The following RBP3 variants were observed in gnomAD, a reference collection of about 807,000 sequenced individuals.
The protein encoded by RBP3 is retinol binding protein 3, also known as retinol-binding protein 3.
A neutral mutation model predicts 64.8 loss-of-function variants in RBP3; 50 were observed. That is an observed-to-expected ratio of 0.77 (90% CI 0.61 to 0.98). RBP3 has a LOEUF of 0.98. RBP3 is among the 50% of genes least tolerant of loss of function. The pLI is 0.00. For synonymous variants in RBP3, 828 were observed against 730.2 expected, an observed-to-expected ratio of 1.13 and a Z score of -2.16; for missense variants, 1,712 against 1,660.5, an observed-to-expected ratio of 1.03 and a Z score of -0.54.
chr10:47,355,138 A>G (rs536861615), intron 2 of RBP3, among the ~76,000 whole-genome samples: 1 of 152,358 alleles, frequency 6.6e-6, no homozygotes, highest in Admixed American at 6.5e-5. Context: ...TTAATTACAT[A>G]GCAGAAGGAA....
At chr10:47,353,198 TCTA>T in intron 1 of RBP3, 124 bp from the exon 2 acceptor site, 1 of 845,004 alleles carries the variant, frequency 1.2e-6, no homozygotes, top group Non-Finnish European at 2.0e-6. Flanking sequence ...GTCCCTGGTG[TCTA>T]CTAATTCCTT....
rs1555211454 is a variant in RBP3 at position 47,350,842 on chromosome 10, T to C, written c.2358T>C (p.Pro786=). The part of the protein sequence containing the change: ...AALVIDLRYN[P]GSYSTAIPLL... ...TGGTGATCGACCTGCGCTACAACCCTGGCAGCTACTCCACGGCCATCCCGC... is the reference window on the plus strand; with the variant it reads ...TGGTGATCGACCTGCGCTACAACCCCGGCAGCTACTCCACGGCCATCCCGC... Residue 786 remains proline (P), a synonymous_variant, in exon 1 of 4, where the codon CCT becomes CCC. Transcript: ENST00000584701. 6.2e-7 allele frequency: 1 copy of C among 1,612,922 alleles called. No homozygotes were observed. The highest frequency in any genetic ancestry group is 8.5e-7 in the Non-Finnish European group (1 of 1,180,012).
At chr10:47,351,649 C>A in intron 1 of RBP3, 111 bp downstream of exon 1, 1 of 1,371,952 alleles carries the variant, frequency 7.3e-7, no homozygotes, top group South Asian at 1.2e-5. Flanking sequence ...TAGATTTGTT[C>A]TCACGTTTAA....
chr10:47,357,316 G>A lies in RBP3; in HGVS notation c.3603G>A (p.Ser1201=), dbSNP rs782387959. ...TIPTARSVGA[S]DGSSWEGVGV... is the part of the protein sequence containing the mutation. ...CCACGGCCCGTTCTGTGGGGGCCTC[G>A]GATGGCAGCTCCTGGGAAGGGGTGG... Residue 1201 remains serine, a synonymous_variant, in exon 4 of 4, where the codon TCG becomes TCA. Transcript: ENST00000584701. 10 of 1,614,056 alleles carry A rather than the reference G, an allele frequency of 6.2e-6. No individual in the cohort carries two copies. The highest frequency in any genetic ancestry group is 1.6e-4 in the Middle Eastern group (1 of 6,084).
intron 2 of RBP3, among the ~76,000 whole-genome samples, chr10:47,354,254 G>C (rs17095795): frequency 0.058 from 8,853 of 152,178 alleles, 868 homozygotes; most frequent in African/African-American, 0.2. Flanking sequence ...ATGACTCTGG[G>C]GTCCATTGGT....
At position 47,352,802 on chromosome 10, in the gene RBP3, G is replaced by A. The variant is rs564701527; in HGVS notation, c.3055-523G>A. ...GGAGTCAGATGTGGATTCAGATTCTGGCTCCACCACTTACTGACTGTGTGA... is the reference window on the plus strand; with the variant it reads ...GGAGTCAGATGTGGATTCAGATTCTAGCTCCACCACTTACTGACTGTGTGA... On this transcript the variant is annotated intron_variant, in intron 1 of 3. Transcript: ENST00000584701. Among the ~76,000 whole-genome samples, 4 of 152,306 alleles carry A rather than the reference G, an allele frequency of 2.6e-5. No homozygotes were observed. The East Asian group carries it at 7.7e-4, about 29-fold the overall frequency.
rs782087661 is a variant in RBP3, at chr10:47,348,475, C to G, written c.-10C>G. Reference sequence around the variant, plus strand: ...TTTTGTGCAGGAGCCAGGCCTCCCCCTGGGTCCCCATGATGAGAGAATGGG... The same window carrying G: ...TTTTGTGCAGGAGCCAGGCCTCCCCGTGGGTCCCCATGATGAGAGAATGGG... On this transcript the variant is annotated 5_prime_UTR_variant, in exon 1 of 4. Transcript: ENST00000584701. The G allele has an allele frequency of 1.2e-6, 2 of 1,600,500 alleles. No homozygotes were observed. The highest frequency in any genetic ancestry group is 1.7e-6 in the Non-Finnish European group (2 of 1,179,916).
At position 47,351,087 on chromosome 10, in the gene RBP3, T is replaced by C. The variant is rs367744823; in HGVS notation, c.2603T>C (p.Ile868Thr). The stretch of plus-strand genomic sequence containing the variant: ...CAGGACCTGCAGCGGGCCACGGTCA[T>C]TGGGGAGCCCACGGCCGGAGGCGCA... ...TMQDLQRATV[I>T]GEPTAGGALS... The change falls in exon 1 of 4, where the codon ATT becomes ACT. Residue 868 changes from isoleucine (I) to threonine (T), a missense_variant. Ile to Thr is a moderately conservative substitution (Grantham distance 89). Transcript: ENST00000584701. The C allele has an allele frequency of 2.4e-5, 38 of 1,612,246 alleles. No individual in the cohort carries two copies. The Middle Eastern group carries it at 4.9e-4, about 21-fold the overall frequency.
rs1555211205 is a variant in RBP3, at chr10:47,349,894, C to A, written c.1410C>A (p.Asp470Glu). Residue 470 changes from aspartate to glutamate, a missense_variant, in exon 1 of 4, where the codon GAC (aspartate) becomes GAA (glutamate). By Grantham distance (45) the Asp-to-Glu change is conservative. Transcript: ENST00000584701. ...GCCAGGTGTGGGAGCCGCTACAGGA[C>A]ACGGAGCACCTCATCATGGACCTGC... is the stretch of plus-strand genomic sequence containing the variant. Reference protein sequence around the residue: ...VLRQVWEPLQDTEHLIMDLRH... With the variant: ...VLRQVWEPLQETEHLIMDLRH... 3.7e-6 allele frequency: 6 copies of A among 1,613,182 alleles called. No individual in the cohort carries two copies. In the Admixed American group the frequency reaches 1.0e-4, roughly 27 times the overall value.
chr10:47,353,620 C>T, intron 2 of RBP3, 105 bp downstream of exon 2: 1 of 1,371,670 alleles, frequency 7.3e-7, no homozygotes. Context: ...TGTGACACAG[C>T]AGAGGACCTG....
In RBP3 at chr10:47,348,454, G is replaced by T; in HGVS notation, c.-31G>T. 6.3e-7 allele frequency: 1 copy of T among 1,597,232 alleles called. No homozygotes were observed. Among genetic ancestry groups the T allele is most frequent in the Non-Finnish European group, 8.5e-7 (1 of 1,179,178 alleles). The stretch of plus-strand genomic sequence containing the variant: ...CTTGCACACAGTCCAGGGAGCTTTT[G>T]TGCAGGAGCCAGGCCTCCCCCTGGG... On this transcript the variant is annotated 5_prime_UTR_variant, in exon 1 of 4. Transcript: ENST00000584701.
intron 2 of RBP3, among the ~76,000 whole-genome samples, 165 bp from the exon 3 acceptor site, chr10:47,355,211 C>A (rs1837029185): frequency 6.6e-6 from 1 of 152,212 alleles, no homozygotes; most frequent in African/African-American, 2.4e-5. Context: ...TGGAAATACT[C>A]TGGAAAATGC....
intron 3 of RBP3, among the ~76,000 whole-genome samples, chr10:47,356,505 A>G (rs1837049131): frequency 6.6e-6 from 1 of 152,232 alleles, no homozygotes; most frequent in South Asian, 2.1e-4. Context: ...TTTTGAAGAC[A>G]TTATGAAAAG....
Position 47,349,500 on chromosome 10 carries a change from A to T in RBP3, c.1016A>T (p.Asp339Val), listed in dbSNP as rs973069121. ...CACTGCCTCCAGGAGGTCCTGAAGG[A>T]CTACTACACGCTGGTGGACCGTGTG... ...VVHCLQEVLK[D>V]YYTLVDRVPT... Residue 339 changes from aspartate (D) to valine (V), a missense_variant, in exon 1 of 4, where the codon GAC becomes GTC. Physicochemically the swap from Asp to Val is radical, Grantham distance 152 (BLOSUM62 -3). Transcript: ENST00000584701. The T allele has an allele frequency of 6.2e-7, 1 of 1,612,948 alleles. No individual in the cohort carries two copies. The highest frequency in any genetic ancestry group is 8.5e-7 in the Non-Finnish European group (1 of 1,180,002).
rs1011211682 is a variant in RBP3, at chr10:47,348,629, C to A, written c.145C>A (p.Gln49Lys). The change falls in exon 1 of 4, where the codon CAG (glutamine) becomes AAG (lysine). Residue 49 changes from glutamine to lysine, a missense_variant. Transcript: ENST00000584701. Reference protein sequence around the residue: ...YCFPENLLGMQEAIQQAIKSH... With the variant: ...YCFPENLLGMKEAIQQAIKSH... Reference sequence around the variant, plus strand: ...CTTCCCGGAGAACCTGCTGGGCATGCAGGAAGCCATCCAGCAGGCCATCAA... The same window carrying A: ...CTTCCCGGAGAACCTGCTGGGCATGAAGGAAGCCATCCAGCAGGCCATCAA... 6 of 1,613,370 alleles carry A rather than the reference C, an allele frequency of 3.7e-6. No individual in the cohort carries two copies. Among genetic ancestry groups the A allele is most frequent in the Non-Finnish European group, 5.1e-6 (6 of 1,180,036 alleles).
In RBP3 at chr10:47,350,687, A is replaced by G. The variant is rs782273341; in HGVS notation, c.2203A>G (p.Lys735Glu). The G allele has an allele frequency of 2.5e-6, 4 of 1,612,634 alleles. No homozygotes were observed. The South Asian group carries it at 3.3e-5, about 13-fold the overall frequency. ...ELTYLIEALFKTEVLPGQLGY... is the reference protein window; with the variant it reads ...ELTYLIEALFETEVLPGQLGY... ...CACCTACCTTATTGAGGCCCTGTTC[A>G]AGACAGAGGTGCTGCCCGGCCAGCT... is the stretch of plus-strand genomic sequence containing the variant. The change falls in exon 1 of 4, where the codon AAG becomes GAG. Residue 735 changes from lysine (K) to glutamate (E), a missense_variant. Transcript: ENST00000584701.
At position 47,350,416 on chromosome 10, in the gene RBP3, G is replaced by A. The variant is rs781967972; in HGVS notation, c.1932G>A (p.Gly644=). Residue 644 remains glycine (G), a synonymous_variant, in exon 1 of 4, where the codon GGG becomes GGA. Transcript: ENST00000584701. Reference sequence around the variant, plus strand: ...TGGGGGCCTTGGTGGAGGGCACAGGGCACCTGCTGGAGGCCCACTATGCTC... The same window carrying A: ...TGGGGGCCTTGGTGGAGGGCACAGGACACCTGCTGGAGGCCCACTATGCTC... ...QSLGALVEGT[G]HLLEAHYARP... is the part of the protein sequence containing the mutation. 1.9e-6 allele frequency: 3 copies of A among 1,612,152 alleles called. No individual in the cohort carries two copies. The South Asian group carries it at 3.3e-5, about 18-fold the overall frequency.
rs782691907 is a variant in RBP3, at chr10:47,350,526, C to T, written c.2042C>T (p.Ser681Phe). 5 of 1,612,930 alleles carry T rather than the reference C, an allele frequency of 3.1e-6. No individual in the cohort carries two copies. The highest frequency in any genetic ancestry group is 4.2e-6 in the Non-Finnish European group (5 of 1,180,030). ...TACCGCACAGCTGTGGACTTGGAGTCTCTGGCCTCTCAGCTCACAGCAGAC... is the reference window on the plus strand; with the variant it reads ...TACCGCACAGCTGTGGACTTGGAGTTTCTGGCCTCTCAGCTCACAGCAGAC... ...GAYRTAVDLE[S>F]LASQLTADLQ... The change falls in exon 1 of 4, where the codon TCT (serine) becomes TTT (phenylalanine). Residue 681 changes from serine to phenylalanine, a missense_variant. Coordinates refer to ENST00000584701, the MANE Select transcript of RBP3 (RefSeq NM_002900.3).
chr10:47,351,063 A>C lies in RBP3; in HGVS notation c.2579A>C (p.Gln860Pro). 1 of 1,611,678 alleles carries C rather than the reference A, an allele frequency of 6.2e-7. No individual in the cohort carries two copies. The highest frequency in any genetic ancestry group is 8.5e-7 in the Non-Finnish European group (1 of 1,179,886). Residue 860 changes from glutamine (Q) to proline (P), a missense_variant, in exon 1 of 4, where the codon CAG becomes CCG. Coordinates refer to ENST00000584701, the MANE Select transcript of RBP3 (RefSeq NM_002900.3). ...GCCGAGGCCTTTGCACACACCATGC[A>C]GGACCTGCAGCGGGCCACGGTCATT... ...SAAEAFAHTM[Q>P]DLQRATVIGE...
Sources: allele counts gnomAD v4.1 joint callset (sites outside exome capture counted in the v4.1 genomes callset), GRCh38; gene constraint gnomAD v4.1.1; transcripts MANE v1.5; gene names NCBI Gene and HGNC (gene_info 2026-07-23, HGNC 2026-07-21).